Variants in TSPAN12 observed in about 807,000 individuals in gnomAD.
TSPAN12 encodes tetraspanin 12, also known as tetraspanin-12.
TSPAN12 carries 19 observed loss-of-function variants against 39.2 expected under a neutral mutation model. The ratio of observed to expected loss-of-function variants is 0.49; its 90% CI spans 0.34 to 0.71. TSPAN12 has a LOEUF of 0.71. Ranked by LOEUF, TSPAN12 falls within the 30% of genes least tolerant of loss-of-function variation. The pLI, the probability that TSPAN12 is intolerant of heterozygous loss-of-function variation, is 0.01. For missense variants in TSPAN12, 314 were observed against 359.9 expected (o/e 0.87, Z 1.03); for synonymous variants, 119 against 124.8 (o/e 0.95, Z 0.31).
chr7:120,837,141 A>G (rs943912792), intron 4 of TSPAN12, among the ~76,000 whole-genome samples: 2 of 152,318 alleles, frequency 1.3e-5, no homozygotes, highest in South Asian at 4.1e-4. Flanking sequence ...TAGAAGGTTC[A>G]TGTAAAGTAA....
chr7:120,788,750 C>T lies in TSPAN12; in HGVS notation c.760G>A (p.Glu254Lys), dbSNP rs756801973. 15 of 1,614,000 alleles carry T rather than the reference C, an allele frequency of 9.3e-6. No individual in the cohort carries two copies. Among genetic ancestry groups the T allele is most frequent in the South Asian group, 5.5e-5 (5 of 91,086 alleles). Residue 254 changes from glutamate (E) to lysine (K), a missense_variant, in exon 8 of 8, where the codon GAG (glutamate) becomes AAG (lysine). Physicochemically the swap from Glu to Lys is moderately conservative, Grantham distance 56. Coordinates refer to ENST00000222747, the MANE Select transcript of TSPAN12 (RefSeq NM_012338.4). ...GACATCATTTGGTCTGTCCCCGGCT[C>T]CCTTCTATCATAATACAGAGCCCAG... is the stretch of plus-strand genomic sequence containing the variant. ...LLWALYYDRR[E>K]PGTDQMMSLK...
In TSPAN12 at chr7:120,788,821, A is replaced by G. The variant is rs760786037; in HGVS notation, c.689T>C (p.Ile230Thr). ...LQVLRFLGISIGVTQILAMIL... is the reference protein window; with the variant it reads ...LQVLRFLGISTGVTQILAMIL... ...CATGGCCAGGATTTGTGTCACCCCAATGGAGATTCCCAGAAACCTCAGCAC... is the reference window on the plus strand; with the variant it reads ...CATGGCCAGGATTTGTGTCACCCCAGTGGAGATTCCCAGAAACCTCAGCAC... The change falls in exon 8 of 8, where the codon ATT becomes ACT. Residue 230 changes from isoleucine (I) to threonine (T), a missense_variant. Physicochemically the swap from Ile to Thr is moderately conservative, Grantham distance 89 (BLOSUM62 -1). Transcript: ENST00000222747. The G allele has an allele frequency of 1.2e-5, 20 of 1,614,046 alleles. No homozygotes were observed. Among genetic ancestry groups the G allele is most frequent in the Admixed American group, 8.3e-5 (5 of 60,000 alleles).
chr7:120,826,943 G>A (rs1379055640), intron 4 of TSPAN12, among the ~76,000 whole-genome samples: 1 of 152,010 alleles, frequency 6.6e-6, no homozygotes, highest in Non-Finnish European at 1.5e-5. Context: ...GGCTGGTCTC[G>A]AACTCTTGAC....
chr7:120,818,355 A>G (rs543052242), intron 4 of TSPAN12, among the ~76,000 whole-genome samples: 1 of 152,188 alleles, frequency 6.6e-6, no homozygotes. Flanking sequence ...AATTTTGTGA[A>G]AAAATGACCT....
chr7:120,816,191 A>G (rs1794078403), intron 4 of TSPAN12, among the ~76,000 whole-genome samples: 1 of 152,160 alleles, frequency 6.6e-6, no homozygotes, highest in African/African-American at 2.4e-5. Context: ...AGCAGATTTT[A>G]ACTCATTCTT....
rs1794881940 is a variant in TSPAN12, at chr7:120,856,852, A to G, written c.-70-19T>C. On this transcript the variant is annotated intron_variant, in intron 1 of 7. Transcript: ENST00000222747. ...CAGCGATCTGCAGGGGGCGGGGGAG[A>G]GAGAACACGGGACATCTCACCATCA... 12 of 1,394,054 alleles carry G rather than the reference A, an allele frequency of 8.6e-6. No homozygotes were observed. The highest frequency in any genetic ancestry group is 1.2e-5 in the Non-Finnish European group (12 of 984,438). 86.4% of individuals were successfully genotyped at this position (1,394,054 alleles called of 1,614,324 possible).
intron 4 of TSPAN12, among the ~76,000 whole-genome samples, chr7:120,831,830 C>CA (rs970125203): frequency 3.2e-4 from 49 of 151,970 alleles, no homozygotes; most frequent in African/African-American, 1.1e-3. Context: ...GTTCTCACCA[C>CA]AAAAAATAAG....
At chr7:120,846,399 G>A (rs1330344237) in intron 2 of TSPAN12, among the ~76,000 whole-genome samples, 18 of 152,180 alleles carry the variant, frequency 1.2e-4, no homozygotes, top group Admixed American at 1.2e-3. Context: ...TTTATAGGCT[G>A]TTTAGCCAGT....
At chr7:120,791,775 C>T (rs747545040) in intron 7 of TSPAN12, among the ~76,000 whole-genome samples, 1 of 152,094 alleles carries the variant, frequency 6.6e-6, no homozygotes. Flanking sequence ...TAAAATGGTA[C>T]AGTAAATTCT....
At chr7:120,817,381 C>A (rs759271287) in intron 4 of TSPAN12, among the ~76,000 whole-genome samples, 5 of 141,416 alleles carry the variant, frequency 3.5e-5, no homozygotes, top group Non-Finnish European at 6.0e-5. Flanking sequence ...AGAGAGAGAA[C>A]CTGTCTCAAA....
At chr7:120,794,945 A>G (rs1441964994) in intron 7 of TSPAN12, among the ~76,000 whole-genome samples, 1 of 152,246 alleles carries the variant, frequency 6.6e-6, no homozygotes, top group East Asian at 1.9e-4. Flanking sequence ...ATAATTATGC[A>G]TAAGGTTTAC....
At chr7:120,796,347 C>T (rs1176108215) in intron 7 of TSPAN12, among the ~76,000 whole-genome samples, 2 of 152,292 alleles carry the variant, frequency 1.3e-5, no homozygotes, top group East Asian at 3.9e-4. Flanking sequence ...CCAGAAAATA[C>T]ACACTTCACT....
At chr7:120,838,662 CT>C in intron 4 of TSPAN12, 114 bp downstream of exon 4, 2 of 1,107,820 alleles carry the variant, frequency 1.8e-6, no homozygotes, top group South Asian at 2.8e-5. Flanking sequence ...AGCGTCCCTT[CT>C]TACAGGATGT....
intron 3 of TSPAN12, 62 bp from the exon 4 acceptor site, chr7:120,838,974 C>G: frequency 6.6e-7 from 1 of 1,523,724 alleles, no homozygotes; most frequent in South Asian, 1.1e-5. Flanking sequence ...CAAGACATAG[C>G]AGAAGACACA....
intron 4 of TSPAN12, among the ~76,000 whole-genome samples, chr7:120,818,865 T>C (rs370834854): frequency 1.5e-4 from 23 of 152,106 alleles, no homozygotes; most frequent in Admixed American, 4.6e-4. Flanking sequence ...CTTAAAAGTA[T>C]GATTAGAAGA....
At chr7:120,796,486 G>A (rs1160929336) in intron 7 of TSPAN12, among the ~76,000 whole-genome samples, 1 of 152,136 alleles carries the variant, frequency 6.6e-6, no homozygotes, top group Non-Finnish European at 1.5e-5. Context: ...TACCACTGTG[G>A]TAAGTGGTAT....
At chr7:120,836,881 TAAAG>T (rs1378778783) in intron 4 of TSPAN12, among the ~76,000 whole-genome samples, 3 of 152,204 alleles carry the variant, frequency 2.0e-5, no homozygotes, top group African/African-American at 7.2e-5. Flanking sequence ...AGGGAATGCA[TAAAG>T]AGTTTTCAAA....
chr7:120,799,546 A>G (rs1460729047), intron 7 of TSPAN12, among the ~76,000 whole-genome samples: 1 of 103,738 alleles, frequency 9.6e-6, no homozygotes, highest in Admixed American at 1.3e-4. Flanking sequence ...ATATATAATT[A>G]TATATATAAT....
At chr7:120,817,065 TTATC>T (rs1794097632) in intron 4 of TSPAN12, among the ~76,000 whole-genome samples, 1 of 152,098 alleles carries the variant, frequency 6.6e-6, no homozygotes. Flanking sequence ...ATAAAAATGT[TTATC>T]TAAGTATCAG....
Sources: gnomAD v4.1 joint callset for allele counts (sites outside exome capture counted in the v4.1 genomes callset) on GRCh38, gnomAD v4.1.1 for gene constraint, MANE v1.5 for transcripts, NCBI Gene and HGNC (gene_info 2026-07-23, HGNC 2026-07-21) for gene names.